AP1G1: variants seen among roughly 807,000 people sequenced by gnomAD.
The protein encoded by AP1G1 is AP-1 complex subunit gamma-1.
Under a neutral mutation model 108.3 loss-of-function variants are expected in AP1G1, and 7 were observed. The ratio of observed to expected loss-of-function variants is 0.06; its 90% CI spans 0.04 to 0.12. The LOEUF (loss-of-function observed/expected upper bound fraction) is 0.12, where lower values mean the gene tolerates loss of function less well. Ranked by LOEUF, AP1G1 falls within the 10% of genes least tolerant of loss-of-function variation. The pLI, the probability that AP1G1 is intolerant of heterozygous loss-of-function variation, is 1.00. For missense variants in AP1G1, 756 were observed against 1,010.7 expected, an observed-to-expected ratio of 0.75 and a Z score of 3.42; for synonymous variants, 379 against 353.5, an observed-to-expected ratio of 1.07 and a Z score of -0.81.
intron 1 of AP1G1, among the ~76,000 whole-genome samples, chr16:71,804,026 A>G (rs1456662742): frequency 6.6e-6 from 1 of 151,628 alleles, no homozygotes; most frequent in East Asian, 1.9e-4. Context: ...ATGCTACTAC[A>G]TTTTGATAAA....
chr16:71,775,274 C>T (rs887505660), intron 2 of AP1G1, among the ~76,000 whole-genome samples: 9 of 151,628 alleles, frequency 5.9e-5, no homozygotes, highest in Admixed American at 2.6e-4. Flanking sequence ...ACAGATGATT[C>T]GCCCGCCTCA....
At chr16:71,793,663 C>T (rs1388752248) in intron 1 of AP1G1, among the ~76,000 whole-genome samples, 1 of 152,268 alleles carries the variant, frequency 6.6e-6, no homozygotes, top group African/African-American at 2.4e-5. Context: ...ATAAACAGTA[C>T]CACAATATAG....
At chr16:71,738,442 AGTTACT>A (rs1360030901) in intron 21 of AP1G1, among the ~76,000 whole-genome samples, 2 of 152,226 alleles carry the variant, frequency 1.3e-5, no homozygotes, top group African/African-American at 4.8e-5. Flanking sequence ...TCACAAAAAC[AGTTACT>A]GTATCTATAA....
intron 9 of AP1G1, 22 bp from the exon 10 acceptor site, chr16:71,761,589 C>T (rs770454218): frequency 4.3e-5 from 67 of 1,575,492 alleles, no homozygotes; most frequent in Non-Finnish European, 5.3e-5. Context: ...CAGCATAGGT[C>T]GAAATTTAGG....
Position 71,739,335 on chromosome 16 carries a change from G to A in AP1G1, c.2006C>T (p.Pro669Leu). ...LLGDINLTGA[P>L]AAAPAPASVP... ...TGAGGCAGGGGCAGGAGCAGCAGCT[G>A]GAGCACCTAAAGGAAATATTTTAAT... is the stretch of plus-strand genomic sequence containing the variant. Residue 669 changes from proline (P) to leucine (L), a missense_variant, in exon 20 of 23, where the codon CCA becomes CTA. Transcript: ENST00000299980. The A allele has an allele frequency of 6.3e-7, 1 of 1,597,402 alleles. No individual in the cohort carries two copies. Among genetic ancestry groups the A allele is most frequent in the Non-Finnish European group, 8.5e-7 (1 of 1,175,782 alleles).
At chr16:71,787,217 G>C (rs1325981589) in intron 2 of AP1G1, among the ~76,000 whole-genome samples, 1 of 151,790 alleles carries the variant, frequency 6.6e-6, no homozygotes, top group Non-Finnish European at 1.5e-5. Flanking sequence ...TACTCGGGAG[G>C]CTGAGGCAGA....
At chr16:71,769,562 T>C (rs1249670550) in intron 6 of AP1G1, 61 bp downstream of exon 6, 2 of 1,453,464 alleles carry the variant, frequency 1.4e-6, no homozygotes, top group Non-Finnish European at 1.9e-6. Context: ...GAAAATCATG[T>C]ACTTTTCAGG....
At chr16:71,801,509 G>A (rs987918171) in intron 1 of AP1G1, among the ~76,000 whole-genome samples, 5 of 152,184 alleles carry the variant, frequency 3.3e-5, no homozygotes, top group African/African-American at 1.2e-4. Context: ...TTAAAATTAA[G>A]ACTGTCATAG....
intron 11 of AP1G1, among the ~76,000 whole-genome samples, chr16:71,757,680 G>C (rs1032285910): frequency 2.0e-5 from 3 of 152,140 alleles, no homozygotes; most frequent in Admixed American, 1.3e-4. Context: ...GTCTATTAAA[G>C]GCAGAGTCAG....
At chr16:71,806,756 G>A (rs1224869099) in intron 1 of AP1G1, 3 of 1,275,618 alleles carry the variant, frequency 2.4e-6, no homozygotes, top group Admixed American at 2.4e-5. Flanking sequence ...AAATTCCATT[G>A]CTTCAGGGTA....
At chr16:71,808,510 G>A in intron 1 of AP1G1, 1 of 1,263,458 alleles carries the variant, frequency 7.9e-7, no homozygotes. Flanking sequence ...CGTACCGGCG[G>A]GGCAACGCCA....
At chr16:71,791,798 G>A (rs897914978) in intron 1 of AP1G1, among the ~76,000 whole-genome samples, 5 of 128,328 alleles carry the variant, frequency 3.9e-5, no homozygotes, top group African/African-American at 1.5e-4. Flanking sequence ...AGTTTCGCTC[G>A]TTGCCCAGGC....
At chr16:71,736,098 CAAA>C (rs1213680207) in intron 21 of AP1G1, among the ~76,000 whole-genome samples, 7 of 25,426 alleles carry the variant, frequency 2.8e-4, no homozygotes, top group African/African-American at 1.1e-3. Context: ...GACTCCATCT[CAAA>C]AAAAAAAAAA....
chr16:71,758,331 G>C (rs1039712100), intron 11 of AP1G1: 3 of 467,226 alleles, frequency 6.4e-6, no homozygotes, highest in Non-Finnish European at 1.3e-5. Flanking sequence ...CTGCCTAACA[G>C]TCATTTCAGG....
intron 2 of AP1G1, among the ~76,000 whole-genome samples, chr16:71,788,919 G>C (rs1256494951): frequency 6.6e-6 from 1 of 151,764 alleles, no homozygotes; most frequent in East Asian, 1.9e-4. Context: ...AGTGTCCCAA[G>C]TAGCTGGGAT....
chr16:71,768,374 G>A (rs555206180), intron 6 of AP1G1, among the ~76,000 whole-genome samples: 7 of 150,666 alleles, frequency 4.6e-5, no homozygotes, highest in South Asian at 2.1e-4. Flanking sequence ...GGTGGCAGGC[G>A]CCTGTAGTCC....
chr16:71,731,393 G>GA lies in AP1G1; in HGVS notation c.*1664dup, dbSNP rs1442065688. On this transcript the variant is annotated 3_prime_UTR_variant, in exon 23 of 23. Coordinates refer to ENST00000299980, the MANE Select transcript of AP1G1 (RefSeq NM_001128.6). ...GAGCTAGATTTGACAAGACACTGAA[G>GA]ATTTTAAGTAAAGGCTTGGTGAAAT... The GA allele has an allele frequency of 6.6e-6, 1 of 152,596 alleles. No individual in the cohort carries two copies. Among genetic ancestry groups the GA allele is most frequent in the Non-Finnish European group, 1.5e-5 (1 of 68,026 alleles). The allele number at this position is 152,596 out of a possible 1,614,324, so 9.5% of individuals were successfully genotyped here.
intron 6 of AP1G1, chr16:71,767,748 A>T (rs1278134487): frequency 1.1e-6 from 1 of 905,582 alleles, no homozygotes; most frequent in Non-Finnish European, 1.7e-6. Context: ...ATGGTAGAAC[A>T]ATAACTCACA....
chr16:71,775,811 A>G (rs2031761080), intron 2 of AP1G1, among the ~76,000 whole-genome samples: 1 of 152,248 alleles, frequency 6.6e-6, no homozygotes, highest in Admixed American at 6.5e-5. Flanking sequence ...AAAACTCAGT[A>G]GTGGAATTAA....
Sources: gnomAD v4.1 joint callset for allele counts (sites outside exome capture counted in the v4.1 genomes callset) on GRCh38, gnomAD v4.1.1 for gene constraint, MANE v1.5 for transcripts, NCBI Gene and HGNC (gene_info 2026-07-23, HGNC 2026-07-21) for gene names.